ETV6: variants seen among roughly 807,000 people sequenced by gnomAD.
ETV6 encodes ETS variant transcription factor 6.
In ETV6, 16 loss-of-function variants were observed where a neutral mutation model predicts 51.1. That is an observed-to-expected ratio of 0.31 (90% CI 0.21 to 0.48). ETV6 has a LOEUF of 0.48. Among genes scored for constraint, ETV6 ranks in the 20% least tolerant of loss-of-function variants. The pLI is 0.99. For missense variants in ETV6, 458 were observed against 594.8 expected, an observed-to-expected ratio of 0.77 and a Z score of 2.39; for synonymous variants, 240 against 224.1, an observed-to-expected ratio of 1.07 and a Z score of -0.64.
At chr12:11,657,364 A>C (rs1864019227) in intron 1 of ETV6, among the ~76,000 whole-genome samples, 1 of 152,208 alleles carries the variant, frequency 6.6e-6, no homozygotes, top group Non-Finnish European at 1.5e-5. Flanking sequence ...AGAATTCAGA[A>C]AGCATAGCTT....
Position 11,691,553 on chromosome 12 carries a change from A to G in ETV6, c.33+41393A>G, listed in dbSNP as rs972832954. On this transcript the variant is annotated intron_variant, in intron 1 of 7. Transcript: ENST00000396373. The stretch of plus-strand genomic sequence containing the variant: ...ATGTAGCTATATAGATATGTATTTA[A>G]TTGTTATCACCTTTCAACTTTATAA... Among the ~76,000 whole-genome samples, 265 of 152,382 alleles carry G rather than the reference A, an allele frequency of 1.7e-3. 2 individuals are homozygous for G. Among genetic ancestry groups the G allele is most frequent in the African/African-American group, 6.2e-3 (257 of 41,590 alleles).
intron 2 of ETV6, among the ~76,000 whole-genome samples, chr12:11,794,587 G>T (rs975467661): frequency 2.0e-5 from 3 of 152,196 alleles, no homozygotes; most frequent in Non-Finnish European, 4.4e-5. Flanking sequence ...CAAGACACCT[G>T]ACTGTCATAC....
chr12:11,847,590 G>T (rs1946484260), intron 3 of ETV6, among the ~76,000 whole-genome samples: 1 of 152,236 alleles, frequency 6.6e-6, no homozygotes, highest in African/African-American at 2.4e-5. Flanking sequence ...GAGAAGGGAA[G>T]TAGAGATTGC....
In ETV6 at chr12:11,717,956, C is replaced by T. The variant is rs117579609; in HGVS notation, c.34-34494C>T. ...GTGGAGTTCTCAATCTCAACAGCCC[C>T]TTACCTCATGCAAATTTCTTTTGAG... On this transcript the variant is annotated intron_variant, in intron 1 of 7. Transcript: ENST00000396373. 9.2e-3 allele frequency among the ~76,000 whole-genome samples: 1,398 copies of T among 152,266 alleles called. 12 individuals are homozygous for T. The highest frequency in any genetic ancestry group is 0.037 in the Middle Eastern group (11 of 294).
intron 2 of ETV6, among the ~76,000 whole-genome samples, chr12:11,756,275 C>T (rs1480133377): frequency 1.3e-5 from 2 of 152,148 alleles, no homozygotes; most frequent in Non-Finnish European, 2.9e-5. Flanking sequence ...TGACTCACTG[C>T]CCAGATTACC....
intron 1 of ETV6, among the ~76,000 whole-genome samples, chr12:11,701,932 C>T (rs567137027): frequency 5.9e-5 from 9 of 152,160 alleles, no homozygotes; most frequent in Non-Finnish European, 1.0e-4. Flanking sequence ...AGTGGAAACA[C>T]GAGGTTTGTT....
In ETV6 at chr12:11,890,727, A is replaced by C. The variant is rs79601606; in HGVS notation, c.1254-214A>C. Reference sequence around the variant, plus strand: ...TGCATGAGCTACCATGCCTGGCCCTAGTCTTTTTAAATAAGCATTTTACCA... The same window carrying C: ...TGCATGAGCTACCATGCCTGGCCCTCGTCTTTTTAAATAAGCATTTTACCA... On this transcript the variant is annotated intron_variant, in intron 7 of 7. Transcript: ENST00000396373. Among the ~76,000 whole-genome samples, 5,513 of 152,086 alleles carry C rather than the reference A, an allele frequency of 0.036. 304 individuals are homozygous for C. The highest frequency in any genetic ancestry group is 0.12 in the African/African-American group (5,173 of 41,468).
intron 1 of ETV6, among the ~76,000 whole-genome samples, chr12:11,746,696 T>C (rs1010692379): frequency 3.3e-4 from 50 of 152,086 alleles, no homozygotes; most frequent in African/African-American, 1.2e-3. Flanking sequence ...TGATGGATGC[T>C]GAAATATTTC....
intron 1 of ETV6, 30 bp from the exon 2 acceptor site, chr12:11,752,420 C>T (rs763381202): frequency 2.5e-6 from 4 of 1,596,128 alleles, no homozygotes; most frequent in Non-Finnish European, 3.4e-6. Flanking sequence ...CTCTCTCCCC[C>T]TCCCCTCTTC....
chr12:11,690,945 G>T (rs1302386113), intron 1 of ETV6, among the ~76,000 whole-genome samples: 3 of 149,810 alleles, frequency 2.0e-5, no homozygotes, highest in African/African-American at 4.9e-5. Flanking sequence ...AACCAACTAT[G>T]TAGTCACTTC....
At chr12:11,706,494 T>A (rs143812806) in intron 1 of ETV6, among the ~76,000 whole-genome samples, 54 of 152,358 alleles carry the variant, frequency 3.5e-4, no homozygotes, top group African/African-American at 1.3e-3. Flanking sequence ...TAGAGGCTGC[T>A]GTCTGTTTTT....
At chr12:11,676,571 T>C (rs905441782) in intron 1 of ETV6, among the ~76,000 whole-genome samples, 2 of 152,224 alleles carry the variant, frequency 1.3e-5, no homozygotes, top group African/African-American at 4.8e-5. Context: ...TCTATCTCTC[T>C]TATCCCAGCT....
intron 2 of ETV6, among the ~76,000 whole-genome samples, chr12:11,794,946 T>A (rs1017128831): frequency 6.6e-6 from 1 of 152,238 alleles, no homozygotes; most frequent in Non-Finnish European, 1.5e-5. Flanking sequence ...CTTACATGTC[T>A]TGTTTTGTGA....
At chr12:11,809,565 G>A (rs1015746937) in intron 2 of ETV6, among the ~76,000 whole-genome samples, 6 of 152,220 alleles carry the variant, frequency 3.9e-5, no homozygotes, top group South Asian at 4.1e-4. Context: ...TCTTCCATGT[G>A]TGGTTTTAAA....
chr12:11,663,308 A>G (rs564145511), intron 1 of ETV6, among the ~76,000 whole-genome samples: 3 of 152,234 alleles, frequency 2.0e-5, no homozygotes, highest in Non-Finnish European at 4.4e-5. Context: ...TAGGGAGGAC[A>G]GCGAGAGGGC....
At chr12:11,705,811 G>T (rs567925837) in intron 1 of ETV6, among the ~76,000 whole-genome samples, 1 of 152,284 alleles carries the variant, frequency 6.6e-6, no homozygotes, top group Non-Finnish European at 1.5e-5. Context: ...AAACCCTCTG[G>T]CCACCACTGT....
At chr12:11,720,382 T>C (rs571504878) in intron 1 of ETV6, among the ~76,000 whole-genome samples, 6 of 152,228 alleles carry the variant, frequency 3.9e-5, no homozygotes, top group African/African-American at 7.2e-5. Flanking sequence ...CTGACACTTA[T>C]GAACTCAGAT....
chr12:11,683,725 G>A (rs992343763), intron 1 of ETV6, among the ~76,000 whole-genome samples: 1 of 152,150 alleles, frequency 6.6e-6, no homozygotes. Flanking sequence ...GAGCCTGAGT[G>A]TAAAGTTTGT....
chr12:11,652,834 G>T (rs1863931528), intron 1 of ETV6, among the ~76,000 whole-genome samples: 1 of 152,238 alleles, frequency 6.6e-6, no homozygotes, highest in African/African-American at 2.4e-5. Context: ...GATGGCTCAT[G>T]TGGTGGTCGC....
Sources: gnomAD v4.1 joint callset for allele counts (sites outside exome capture counted in the v4.1 genomes callset) on GRCh38, gnomAD v4.1.1 for gene constraint, MANE v1.5 for transcripts, NCBI Gene and HGNC (gene_info 2026-07-23, HGNC 2026-07-21) for gene names.